GLB1L3: variants seen among roughly 807,000 people sequenced by gnomAD.
GLB1L3 encodes the protein beta-galactosidase-1-like protein 3.
In GLB1L3, 89 loss-of-function variants were observed where a neutral mutation model predicts 89.5. The ratio of observed to expected loss-of-function variants is 0.99; its 90% confidence interval spans 0.84 to 1.19. GLB1L3 has a LOEUF of 1.19. Among genes scored for constraint, GLB1L3 ranks in the 50% most tolerant of loss-of-function variants. The pLI, the probability that GLB1L3 is intolerant of heterozygous loss-of-function variation, is 0.00. For missense variants in GLB1L3, 812 were observed against 813.3 expected (o/e 1.00, Z 0.02); for synonymous variants, 314 against 312.3 (o/e 1.01, Z -0.06).
rs58651308 is a variant in GLB1L3, at chr11:134,292,105, G to A, written c.730-27G>A. 3.7e-3 allele frequency: 5,761 copies of A among 1,570,892 alleles called. 296 individuals are homozygous for A. The East Asian group carries it at 0.11, about 29-fold the overall frequency. On this transcript the variant is annotated intron_variant, in intron 7 of 19. Coordinates refer to ENST00000431683, the MANE Select transcript of GLB1L3 (RefSeq NM_001080407.3). ...TTTCCCATGGGAATGAGGGAATTGG[G>A]TTCATTTTGGTTAATTTTCTCAACA... is the stretch of plus-strand genomic sequence containing the variant.
intron 13 of GLB1L3, chr11:134,311,463 C>T (rs1329396393): frequency 1.6e-5 from 4 of 249,738 alleles, no homozygotes; most frequent in African/African-American, 4.5e-5. Flanking sequence ...ACGGAATCCA[C>T]GTAGGAAAAG....
At chr11:134,277,244 GC>G in intron 1 of GLB1L3, 81 bp from the exon 2 acceptor site, 1 of 1,588,580 alleles carries the variant, frequency 6.3e-7, no homozygotes. Flanking sequence ...CCTCTAAAGC[GC>G]CCCCGGCACA....
intron 17 of GLB1L3, 83 bp from the exon 18 acceptor site, chr11:134,314,247 C>T (rs1144214): frequency 0.34 from 306,224 of 911,994 alleles, 56,085 homozygotes; most frequent in Non-Finnish European, 0.38. Context: ...ACCTTAGGCT[C>T]GGCCCACGCC....
intron 9 of GLB1L3, among the ~76,000 whole-genome samples, chr11:134,299,794 G>A (rs1941846966): frequency 6.6e-6 from 1 of 152,136 alleles, no homozygotes; most frequent in African/African-American, 2.4e-5. Flanking sequence ...TGAGGGGTGT[G>A]GCCTTTGCAG....
chr11:134,284,146 T>C (rs1940856250), intron 6 of GLB1L3, among the ~76,000 whole-genome samples: 1 of 152,138 alleles, frequency 6.6e-6, no homozygotes, highest in South Asian at 2.1e-4. Flanking sequence ...TTTCCACTTT[T>C]GACATGGCAA....
At chr11:134,319,819 C>A (rs370657263), downstream of GLB1L3, among the ~76,000 whole-genome samples, 1 of 151,832 alleles carries the variant, frequency 6.6e-6, no homozygotes, top group East Asian at 1.9e-4. Flanking sequence ...CAATGTCTTT[C>A]ATTTCCCTTC....
intron 18 of GLB1L3, among the ~76,000 whole-genome samples, chr11:134,317,657 C>G (rs1043140309): frequency 2.0e-5 from 3 of 152,050 alleles, no homozygotes; most frequent in Non-Finnish European, 4.4e-5. Flanking sequence ...GATCAATGTT[C>G]TATTATGTCA....
chr11:134,313,906 A>G, intron 16 of GLB1L3, 35 bp from the exon 17 acceptor site: 1 of 1,357,112 alleles, frequency 7.4e-7, no homozygotes, highest in Non-Finnish European at 1.0e-6. Context: ...GTCCTGGCTC[A>G]TATTCTCTTT....
downstream of GLB1L3, among the ~76,000 whole-genome samples, chr11:134,323,097 G>T (rs974286778): frequency 6.6e-5 from 10 of 152,074 alleles, no homozygotes; most frequent in African/African-American, 2.2e-4. Context: ...CTCTCTTTTT[G>T]ATTACAGCCA....
chr11:134,303,179 T>A (rs1942032850), intron 9 of GLB1L3, among the ~76,000 whole-genome samples: 1 of 152,242 alleles, frequency 6.6e-6, no homozygotes, highest in African/African-American at 2.4e-5. Context: ...AATATTTGAA[T>A]GTGTATCATT....
intron 6 of GLB1L3, among the ~76,000 whole-genome samples, chr11:134,286,440 CA>C (rs1370685374): frequency 6.6e-6 from 1 of 152,186 alleles, no homozygotes; most frequent in Non-Finnish European, 1.5e-5. Flanking sequence ...TGCATTTCTG[CA>C]ATCTAGATGG....
intron 9 of GLB1L3, among the ~76,000 whole-genome samples, chr11:134,299,853 T>C (rs553307644): frequency 2.0e-5 from 3 of 152,278 alleles, no homozygotes; most frequent in East Asian, 3.9e-4. Context: ...TCCTAGCATG[T>C]GTTCCTCCTT....
intron 9 of GLB1L3, chr11:134,305,160 G>A (rs965896135): frequency 1.8e-5 from 25 of 1,391,324 alleles, no homozygotes; most frequent in African/African-American, 7.2e-5. Flanking sequence ...CTCACAAGCA[G>A]CAACTTCTTC....
chr11:134,277,665 CT>C (rs1371818447), intron 2 of GLB1L3, 34 bp from the exon 3 acceptor site: 7 of 1,577,470 alleles, frequency 4.4e-6, no homozygotes, highest in Non-Finnish European at 6.0e-6. Context: ...TCCTCTCTCC[CT>C]TTCCACTTTC....
At position 134,312,131 on chromosome 11, in the gene GLB1L3, C is replaced by T. The variant is rs1053196556; in HGVS notation, c.1288-218C>T. 15 of 555,742 alleles carry T rather than the reference C, an allele frequency of 2.7e-5. No homozygotes were observed. In the Admixed American group the frequency reaches 3.4e-4, roughly 13 times the overall value. 34.4% of individuals were successfully genotyped at this position (555,742 alleles called of 1,614,324 possible). A position where few individuals can be genotyped will look rare whatever the true frequency, so the allele number is the denominator to read the frequency against. On this transcript the variant is annotated intron_variant, in intron 13 of 19. Transcript: ENST00000431683. ...TGTTAATCAGTTCTTAGGATTATAA[C>T]GATTGCTCCCTCATCACCATGCCCT...
At chr11:134,311,392 C>A in intron 13 of GLB1L3, 1 of 528,286 alleles carries the variant, frequency 1.9e-6, no homozygotes, top group South Asian at 2.2e-5. Flanking sequence ...GTCGGAGGAT[C>A]CCGGGTTCCC....
intron 9 of GLB1L3, among the ~76,000 whole-genome samples, chr11:134,294,079 T>C (rs1410041392): frequency 6.6e-6 from 1 of 152,122 alleles, no homozygotes; most frequent in Non-Finnish European, 1.5e-5. Flanking sequence ...TTTCTTTTTT[T>C]TTTTGAGACA....
In GLB1L3 at chr11:134,318,686, A is replaced by G. The variant is rs771773846; in HGVS notation, c.1835A>G (p.Asn612Ser). ...INGRNLGRYW[N>S]IGPQKTLYLP... ...GGACGTAACCTTGGGCGATATTGGAATATTGGGCCTCAGAAAACACTGTAC... is the reference window on the plus strand; with the variant it reads ...GGACGTAACCTTGGGCGATATTGGAGTATTGGGCCTCAGAAAACACTGTAC... Residue 612 changes from asparagine (N) to serine (S), a missense_variant, in exon 19 of 20, where the codon AAT becomes AGT. This residue lies in a region of GLB1L3 where 618 missense variants were observed against 604.0 expected (regional missense o/e 1.02). Coordinates refer to ENST00000431683, the MANE Select transcript of GLB1L3 (RefSeq NM_001080407.3). The G allele has an allele frequency of 6.2e-7, 1 of 1,613,270 alleles. No individual in the cohort carries two copies.
intron 9 of GLB1L3, among the ~76,000 whole-genome samples, chr11:134,302,328 T>G (rs1941986139): frequency 6.6e-6 from 1 of 152,150 alleles, no homozygotes; most frequent in Admixed American, 6.6e-5. Context: ...AAAACTGTGG[T>G]TTCATTGATT....
Sources: gnomAD v4.1 joint callset for allele counts (sites outside exome capture counted in the v4.1 genomes callset) on GRCh38, gnomAD v4.1.1 for gene constraint, gnomAD v4.1.1 regional missense constraint, MANE v1.5 for transcripts, NCBI Gene and HGNC (gene_info 2026-07-23, HGNC 2026-07-21) for gene names.